Variants in KCNH1 observed in about 807,000 individuals in gnomAD.
The protein encoded by KCNH1 is voltage-gated delayed rectifier potassium channel KCNH1.
Under a neutral mutation model 69.2 loss-of-function variants are expected in KCNH1, and 27 were observed. That is an observed-to-expected ratio of 0.39 (90% CI 0.29 to 0.54). KCNH1 has a LOEUF of 0.54. KCNH1 is among the 20% of genes least tolerant of loss of function. The pLI is 0.68. For missense variants in KCNH1, 798 were observed against 1,261.6 expected, an observed-to-expected ratio of 0.63 and a Z score of 5.57; for synonymous variants, 456 against 487.7, an observed-to-expected ratio of 0.93 and a Z score of 0.86.
rs373477557 is a variant in KCNH1 at position 210,988,551 on chromosome 1, T to C, written c.1032+30232A>G. On this transcript the variant is annotated intron_variant, in intron 6 of 10. Transcript: ENST00000271751. ...ATGCCATGTCTATTGCAATAAGCCA[T>C]CACCAGGATTAATCTATCTCCTGAT... Among the ~76,000 whole-genome samples, 6 of 152,184 alleles carry C rather than the reference T, an allele frequency of 3.9e-5. No individual in the cohort carries two copies. In the East Asian group the frequency reaches 5.8e-4, roughly 15 times the overall value.
At chr1:210,876,788 G>A (rs550066893) in intron 7 of KCNH1, among the ~76,000 whole-genome samples, 1 of 152,192 alleles carries the variant, frequency 6.6e-6, no homozygotes, top group South Asian at 2.1e-4. Context: ...GGCAGTGAAG[G>A]ACATCTAGTT....
intron 10 of KCNH1, among the ~76,000 whole-genome samples, chr1:210,753,152 C>G (rs1683316759): frequency 6.6e-6 from 1 of 152,064 alleles, no homozygotes; most frequent in African/African-American, 2.4e-5. Flanking sequence ...TTGTTTTAAG[C>G]CACCAAATTT....
In KCNH1 at chr1:210,881,015, A is replaced by AT. The variant is rs755198912; in HGVS notation, c.1462+38624dup. Reference sequence around the variant, plus strand: ...CAGGGAAATTCAAATTAAAACAGTAATATTTTTTTTTTTTTTTCTGGAAAC... The same window carrying AT: ...CAGGGAAATTCAAATTAAAACAGTAATTATTTTTTTTTTTTTTTCTGGAAAC... On this transcript the variant is annotated intron_variant, in intron 7 of 10. Coordinates refer to ENST00000271751, the MANE Select transcript of KCNH1 (RefSeq NM_172362.3). 6.1e-3 allele frequency among the ~76,000 whole-genome samples: 778 copies of AT among 127,918 alleles called. 7 individuals are homozygous for AT. The highest frequency in any genetic ancestry group is 0.028 in the Middle Eastern group (7 of 252). The allele number at this position is 127,918 out of a possible 152,430, so 83.9% of individuals were successfully genotyped here. A position where few individuals can be genotyped will look rare whatever the true frequency, so the allele number is the denominator to read the frequency against.
intron 7 of KCNH1, among the ~76,000 whole-genome samples, chr1:210,863,172 AG>A (rs1213747240): frequency 6.6e-6 from 1 of 152,212 alleles, no homozygotes; most frequent in Non-Finnish European, 1.5e-5. Context: ...AGGAGCAGAA[AG>A]GCTTGGTCTG....
At chr1:210,976,954 G>A (rs1688624134) in intron 6 of KCNH1, among the ~76,000 whole-genome samples, 1 of 150,068 alleles carries the variant, frequency 6.7e-6, no homozygotes, top group Admixed American at 6.7e-5. Context: ...TCCCATTACT[G>A]GGTATATACC....
At chr1:210,788,956 A>C (rs963712794) in intron 9 of KCNH1, among the ~76,000 whole-genome samples, 4 of 148,848 alleles carry the variant, frequency 2.7e-5, no homozygotes, top group African/African-American at 1.0e-4. Flanking sequence ...TCGGCCTCCC[A>C]AAGTGCTGGG....
At chr1:210,715,636 AAGAGCTAAT>A (rs761847440) in intron 10 of KCNH1, among the ~76,000 whole-genome samples, 4 of 152,172 alleles carry the variant, frequency 2.6e-5, no homozygotes, top group Admixed American at 6.5e-5. Flanking sequence ...TTTTCCCATC[AAGAGCTAAT>A]TGTTATAAAT....
chr1:211,051,812 T>G (rs928461405), intron 5 of KCNH1, among the ~76,000 whole-genome samples: 4 of 152,210 alleles, frequency 2.6e-5, no homozygotes, highest in African/African-American at 4.8e-5. Context: ...ATAAGTAGTA[T>G]TATACTTATT....
At chr1:210,760,857 A>T (rs913813575) in intron 10 of KCNH1, among the ~76,000 whole-genome samples, 1 of 152,174 alleles carries the variant, frequency 6.6e-6, no homozygotes, top group Admixed American at 6.5e-5. Context: ...ATATGATTCA[A>T]TTACCTCCCT....
chr1:210,866,914 AAATT>A (rs75446252), intron 7 of KCNH1, among the ~76,000 whole-genome samples: 24,818 of 151,998 alleles, frequency 0.16, 2,567 homozygotes, highest in Non-Finnish European at 0.24. Context: ...GCCATACAAT[AAATT>A]ATTATTCAGT....
intron 6 of KCNH1, among the ~76,000 whole-genome samples, chr1:210,966,489 A>G (rs901878085): frequency 1.3e-5 from 2 of 152,224 alleles, no homozygotes; most frequent in African/African-American, 4.8e-5. Context: ...TACTCATCTG[A>G]CAAAGGGCTA....
chr1:210,922,026 G>A (rs1687467879), intron 6 of KCNH1, among the ~76,000 whole-genome samples: 1 of 152,008 alleles, frequency 6.6e-6, no homozygotes, highest in South Asian at 2.1e-4. Context: ...ACATCAGGTT[G>A]CCACACAAAT....
intron 4 of KCNH1, among the ~76,000 whole-genome samples, chr1:211,086,406 G>T (rs1379348104): frequency 6.6e-6 from 1 of 152,088 alleles, no homozygotes; most frequent in East Asian, 1.9e-4. Context: ...CCTAGCCCAG[G>T]ATTCTTCCAG....
chr1:210,862,790 A>G (rs1045666442), intron 7 of KCNH1, among the ~76,000 whole-genome samples: 4 of 152,232 alleles, frequency 2.6e-5, no homozygotes, highest in African/African-American at 9.6e-5. Flanking sequence ...AAAGGGCAAC[A>G]TTAGAGAAAT....
At chr1:211,037,839 G>T (rs1160950463) in intron 5 of KCNH1, among the ~76,000 whole-genome samples, 5 of 152,014 alleles carry the variant, frequency 3.3e-5, no homozygotes, top group Non-Finnish European at 7.4e-5. Context: ...GTTGTGGGGA[G>T]ACCCAAAGGA....
At chr1:210,997,223 G>A (rs767949290) in intron 6 of KCNH1, among the ~76,000 whole-genome samples, 1 of 152,150 alleles carries the variant, frequency 6.6e-6, no homozygotes, top group Non-Finnish European at 1.5e-5. Context: ...CGAGCTACAG[G>A]AGGAAATTCA....
At chr1:210,754,179 A>G (rs1360397287) in intron 10 of KCNH1, among the ~76,000 whole-genome samples, 2 of 151,974 alleles carry the variant, frequency 1.3e-5, no homozygotes, top group African/African-American at 2.4e-5. Context: ...TCGGCCTCCC[A>G]AAGTGCTGGG....
rs111629488 is a variant in KCNH1 at position 210,797,512 on chromosome 1, A to G, written c.1911T>C (p.Ile637=). The G allele has an allele frequency of 7.9e-4, 1,270 of 1,613,950 alleles. 5 individuals are homozygous for G. The African/African-American group carries it at 0.013, about 17-fold the overall frequency. Residue 637 remains isoleucine (I), a synonymous_variant, in exon 9 of 11, where the codon ATT becomes ATC. Coordinates refer to ENST00000271751, the MANE Select transcript of KCNH1 (RefSeq NM_172362.3). ...EVIQDDEVVA[I]LGKGDVFGDV... is the part of the protein sequence containing the mutation. ...TCCAGCAAAGCCAACACCTACCTAGAATGGCCACCACCTCATCATCTTGGA... is the reference window on the plus strand; with the variant it reads ...TCCAGCAAAGCCAACACCTACCTAGGATGGCCACCACCTCATCATCTTGGA...
chr1:210,831,274 CT>C lies in KCNH1; in HGVS notation c.1463-27109del, dbSNP rs918039986. On this transcript the variant is annotated intron_variant, in intron 7 of 10. Transcript: ENST00000271751. ...CTAAATAGGGGTTAAAATACAAAGC[CT>C]TTTAATTATCCTCATCAATCATCCA... Among the ~76,000 whole-genome samples, 8 of 152,178 alleles carry C rather than the reference CT, an allele frequency of 5.3e-5. 1 individual carries two copies. Among genetic ancestry groups the C allele is most frequent in the Admixed American group, 1.3e-4 (2 of 15,266 alleles).
Sources: gnomAD v4.1 joint callset for allele counts (sites outside exome capture counted in the v4.1 genomes callset) on GRCh38, gnomAD v4.1.1 for gene constraint, MANE v1.5 for transcripts, NCBI Gene and HGNC (gene_info 2026-07-23, HGNC 2026-07-21) for gene names.